NRXN1: variants seen among roughly 807,000 people sequenced by gnomAD.
NRXN1 encodes neurexin 1.
Under a neutral mutation model 150.9 loss-of-function variants are expected in NRXN1, and 39 were observed. The ratio of observed to expected loss-of-function variants is 0.26; its 90% confidence interval spans 0.20 to 0.34. The LOEUF (loss-of-function observed/expected upper bound fraction) is 0.34. Among genes scored for constraint, NRXN1 ranks in the 10% least tolerant of loss-of-function variants. The pLI, the probability that NRXN1 is intolerant of heterozygous loss-of-function variation, is 1.00. For synonymous variants in NRXN1, 924 were observed against 757.0 expected, an observed-to-expected ratio of 1.22 and a Z score of -3.62; for missense variants, 1,815 against 1,949.9, an observed-to-expected ratio of 0.93 and a Z score of 1.30.
At chr2:50,889,153 G>C (rs1680689605) in intron 5 of NRXN1, among the ~76,000 whole-genome samples, 1 of 151,530 alleles carries the variant, frequency 6.6e-6, no homozygotes, top group African/African-American at 2.4e-5. Flanking sequence ...AAGAATTTTA[G>C]CTTTGTAAAC....
rs564802183 is a variant in NRXN1 at position 50,843,056 on chromosome 2, G to A, written c.832+78813C>T. ...GTCTATGTGTATAGTACTCATTATC[G>A]CTAAAGAAAAATAAACAGATCTGTG... On this transcript the variant is annotated intron_variant, in intron 5 of 22. Coordinates refer to ENST00000401669, the MANE Select transcript of NRXN1 (RefSeq NM_001330078.2). 5.3e-5 allele frequency among the ~76,000 whole-genome samples: 8 copies of A among 152,158 alleles called. No homozygotes were observed. The South Asian group carries it at 6.2e-4, about 12-fold the overall frequency.
chr2:50,644,938 GC>G (rs1389738322), intron 5 of NRXN1, among the ~76,000 whole-genome samples: 2 of 149,798 alleles, frequency 1.3e-5, no homozygotes, highest in Non-Finnish European at 2.9e-5. Flanking sequence ...CAAAAGCATG[GC>G]TACATAAATT....
At chr2:51,009,364 A>T (rs565829967) in intron 2 of NRXN1, 3 of 152,140 alleles carry the variant, frequency 2.0e-5, no homozygotes, top group African/African-American at 7.2e-5. Flanking sequence ...GGAAACTGCA[A>T]AATGAGCATG....
intron 18 of NRXN1, among the ~76,000 whole-genome samples, chr2:50,118,041 G>T (rs1330100644): frequency 6.6e-6 from 1 of 152,126 alleles, no homozygotes; most frequent in Non-Finnish European, 1.5e-5. Flanking sequence ...TCCTCTTCAA[G>T]ATGAATGTGA....
intron 5 of NRXN1, among the ~76,000 whole-genome samples, chr2:50,778,482 A>G (rs1039075117): frequency 1.3e-5 from 2 of 152,228 alleles, no homozygotes; most frequent in African/African-American, 4.8e-5. Flanking sequence ...TAATGGTAGC[A>G]TACAATTAAT....
intron 21 of NRXN1, among the ~76,000 whole-genome samples, chr2:49,991,668 A>G (rs1359344905): frequency 6.6e-6 from 1 of 152,196 alleles, no homozygotes; most frequent in Non-Finnish European, 1.5e-5. Context: ...AGTTCTTCCC[A>G]ACTTGATTTA....
intron 13 of NRXN1, among the ~76,000 whole-genome samples, chr2:50,503,106 A>C (rs576880321): frequency 6.6e-6 from 1 of 152,166 alleles, no homozygotes; most frequent in East Asian, 1.9e-4. Flanking sequence ...TCAAGAATTC[A>C]AGACAAGCCT....
chr2:50,759,181 G>A (rs1701505583), intron 5 of NRXN1, among the ~76,000 whole-genome samples: 1 of 151,900 alleles, frequency 6.6e-6, no homozygotes, highest in Admixed American at 6.6e-5. Flanking sequence ...TAGATAAATT[G>A]CATAATGCCA....
intron 18 of NRXN1, among the ~76,000 whole-genome samples, chr2:50,204,676 T>C (rs2062436160): frequency 6.6e-6 from 1 of 152,114 alleles, no homozygotes; most frequent in Non-Finnish European, 1.5e-5. Flanking sequence ...CCACTCAATG[T>C]GCATACCAAT....
chr2:50,247,205 G>A lies in NRXN1; in HGVS notation c.3365-10235C>T, dbSNP rs139489950. 4.8e-3 allele frequency among the ~76,000 whole-genome samples: 724 copies of A among 152,114 alleles called. 7 individuals carry two copies. Among genetic ancestry groups the A allele is most frequent in the African/African-American group, 0.016 (683 of 41,528 alleles). On this transcript the variant is annotated intron_variant, in intron 17 of 22. Coordinates refer to ENST00000401669, the MANE Select transcript of NRXN1 (RefSeq NM_001330078.2). ...TATTCTGATAAGAAAAAACATGGTC[G>A]ACTTAGTTATACCTGGGTAAGAAAT...
rs765436032 is a variant in NRXN1, at chr2:50,716,405, T to G, written c.833-92790A>C. On this transcript the variant is annotated intron_variant, in intron 5 of 22. Transcript: ENST00000401669. Reference sequence around the variant, plus strand: ...GTCCATTATTGACTAAATTAAAACATGAGTCATTGAAGAAAAAGAATAAAC... The same window carrying G: ...GTCCATTATTGACTAAATTAAAACAGGAGTCATTGAAGAAAAAGAATAAAC... Among the ~76,000 whole-genome samples, 77 of 152,152 alleles carry G rather than the reference T, an allele frequency of 5.1e-4. 1 individual carries two copies. The highest frequency in any genetic ancestry group is 9.4e-4 in the Non-Finnish European group (64 of 67,974).
chr2:51,015,088 T>C (rs1251074090), intron 2 of NRXN1, among the ~76,000 whole-genome samples: 2 of 152,128 alleles, frequency 1.3e-5, no homozygotes, highest in Non-Finnish European at 2.9e-5. Flanking sequence ...TGTCTTCTAC[T>C]AACCAGATGT....
At chr2:50,824,808 AT>A (rs1670223088) in intron 5 of NRXN1, among the ~76,000 whole-genome samples, 1 of 152,206 alleles carries the variant, frequency 6.6e-6, no homozygotes, top group Non-Finnish European at 1.5e-5. Context: ...AACCTCAGAA[AT>A]TAGAATTTGG....
chr2:50,074,939 G>A (rs1558822095), intron 19 of NRXN1, among the ~76,000 whole-genome samples: 1 of 152,060 alleles, frequency 6.6e-6, no homozygotes, highest in Non-Finnish European at 1.5e-5. Flanking sequence ...TGGCCTTCTG[G>A]CATATTCAAT....
chr2:50,487,979 T>A (rs1054847722), intron 15 of NRXN1, among the ~76,000 whole-genome samples: 6 of 152,162 alleles, frequency 3.9e-5, no homozygotes, highest in Admixed American at 1.3e-4. Flanking sequence ...AAAGTCTCTG[T>A]CTCCACCCAA....
At position 50,396,909 on chromosome 2, in the gene NRXN1, A is replaced by G. The variant is rs149867650; in HGVS notation, c.3364+68533T>C. ...TTTGTCTCCTTAAGATTTGGACTTA[A>G]GGTCAAAGTTGTTGAAGGTTGATCG... is the stretch of plus-strand genomic sequence containing the variant. On this transcript the variant is annotated intron_variant, in intron 17 of 22. Coordinates refer to ENST00000401669, the MANE Select transcript of NRXN1 (RefSeq NM_001330078.2). 1.2e-4 allele frequency among the ~76,000 whole-genome samples: 18 copies of G among 152,286 alleles called. 1 individual carries two copies. Among genetic ancestry groups the G allele is most frequent in the African/African-American group, 4.3e-4 (18 of 41,562 alleles).
chr2:50,230,633 T>C (rs1375635358), intron 18 of NRXN1, among the ~76,000 whole-genome samples: 1 of 152,044 alleles, frequency 6.6e-6, no homozygotes, highest in Admixed American at 6.6e-5. Flanking sequence ...ATAGCTGTTT[T>C]GTTCTCATTT....
intron 9 of NRXN1, among the ~76,000 whole-genome samples, chr2:50,547,028 T>C (rs1338572009): frequency 6.6e-6 from 1 of 152,164 alleles, no homozygotes; most frequent in Non-Finnish European, 1.5e-5. Flanking sequence ...AATAGATAGC[T>C]AGAAAGTGCT....
intron 18 of NRXN1, among the ~76,000 whole-genome samples, chr2:50,151,768 T>C (rs1285390312): frequency 6.6e-6 from 1 of 151,760 alleles, no homozygotes; most frequent in Non-Finnish European, 1.5e-5. Flanking sequence ...TGCAATTACT[T>C]AGTAAGTTTA....
Sources: allele counts gnomAD v4.1 joint callset (sites outside exome capture counted in the v4.1 genomes callset), GRCh38; gene constraint gnomAD v4.1.1; transcripts MANE v1.5; gene names NCBI Gene and HGNC (gene_info 2026-07-23, HGNC 2026-07-21).